The following NELL2 variants were observed in gnomAD, a reference collection of about 807,000 sequenced individuals.
NELL2 encodes the protein protein kinase C-binding protein NELL2.
NELL2 carries 41 observed loss-of-function variants against 109.6 expected under a neutral mutation model. The ratio of observed to expected loss-of-function variants is 0.37; its 90% confidence interval spans 0.29 to 0.49. The LOEUF (loss-of-function observed/expected upper bound fraction) is 0.49. Ranked by LOEUF, NELL2 falls within the 20% of genes least tolerant of loss-of-function variation. The probability of loss-of-function intolerance (pLI) is 0.98; values close to 1 mark genes in which losing one functional copy is unlikely to be tolerated. For missense variants in NELL2, 900 were observed against 1,008.3 expected, an observed-to-expected ratio of 0.89 and a Z score of 1.45; for synonymous variants, 355 against 344.7, an observed-to-expected ratio of 1.03 and a Z score of -0.33.
chr12:44,887,657 T>TGC, intron 1 of NELL2, among the ~76,000 whole-genome samples: 1 of 150,390 alleles, frequency 6.6e-6, no homozygotes, highest in African/African-American at 2.5e-5. Context: ...TGTGTGTGTG[T>TGC]GTTGTTGTTG....
intron 2 of NELL2, among the ~76,000 whole-genome samples, chr12:44,871,106 C>T (rs1275063699): frequency 6.6e-6 from 1 of 152,110 alleles, no homozygotes; most frequent in Admixed American, 6.6e-5. Flanking sequence ...ACCTTGCTCA[C>T]ACACTAGTCC....
At chr12:44,792,575 C>T (rs1385063780) in intron 3 of NELL2, among the ~76,000 whole-genome samples, 1 of 151,894 alleles carries the variant, frequency 6.6e-6, no homozygotes, top group African/African-American at 2.4e-5. Flanking sequence ...TTCTATAAGA[C>T]AAAATAAAAT....
At chr12:44,842,945 G>A (rs1300394740) in intron 2 of NELL2, among the ~76,000 whole-genome samples, 4 of 152,080 alleles carry the variant, frequency 2.6e-5, no homozygotes, top group African/African-American at 9.7e-5. Flanking sequence ...AGGCAAGAAA[G>A]GACTCCTCAG....
At chr12:44,569,292 A>C (rs1266663513) in intron 15 of NELL2, among the ~76,000 whole-genome samples, 2 of 152,138 alleles carry the variant, frequency 1.3e-5, no homozygotes, top group Admixed American at 6.6e-5. Flanking sequence ...ATTAATGAGT[A>C]TTTAGGTTGA....
chr12:44,875,070 A>G, intron 2 of NELL2, 155 bp downstream of exon 2: 1 of 996,786 alleles, frequency 1.0e-6, no homozygotes, highest in Non-Finnish European at 1.4e-6. Flanking sequence ...CACTTAAAAG[A>G]GATAGGGATA....
At position 44,876,111 on chromosome 12, in the gene NELL2, C is replaced by T; in HGVS notation, c.-242G>A. 1 of 1,318,750 alleles carries T rather than the reference C, an allele frequency of 7.6e-7. No individual in the cohort carries two copies. The highest frequency in any genetic ancestry group is 9.7e-7 in the Non-Finnish European group (1 of 1,034,308). The allele number at this position is 1,318,750 out of a possible 1,614,324, so 81.7% of individuals were successfully genotyped here. ...CCCACACGCAGGGCCGAGGCGGCAG[C>T]GCGGCCCGGAGGGGGCCCGGAGGGA... On this transcript the variant is annotated 5_prime_UTR_variant, in exon 1 of 20. Transcript: ENST00000429094.
At chr12:44,777,018 A>G in intron 7 of NELL2, 24 bp downstream of exon 7, 3 of 1,604,914 alleles carry the variant, frequency 1.9e-6, no homozygotes, top group Non-Finnish European at 2.6e-6. Context: ...AAGCTTCCAC[A>G]CTGTATTCTT....
intron 15 of NELL2, among the ~76,000 whole-genome samples, chr12:44,600,128 AT>A (rs1323995401): frequency 5.9e-4 from 13 of 22,070 alleles, no homozygotes; most frequent in African/African-American, 1.2e-3. Flanking sequence ...CGCCCGGCTA[AT>A]TTATTTATTT....
intron 3 of NELL2, among the ~76,000 whole-genome samples, chr12:44,787,211 C>T (rs1942210994): frequency 6.6e-6 from 1 of 150,912 alleles, no homozygotes; most frequent in South Asian, 2.1e-4. Context: ...AGGTGTAAAT[C>T]TAACAAAACA....
At chr12:44,746,097 G>C (rs1307005159) in intron 9 of NELL2, among the ~76,000 whole-genome samples, 1 of 152,160 alleles carries the variant, frequency 6.6e-6, no homozygotes, top group Non-Finnish European at 1.5e-5. Flanking sequence ...TACCAAAACA[G>C]AGATATAGAC....
At chr12:44,646,712 T>A (rs1947109107) in intron 13 of NELL2, among the ~76,000 whole-genome samples, 1 of 152,196 alleles carries the variant, frequency 6.6e-6, no homozygotes, top group Non-Finnish European at 1.5e-5. Flanking sequence ...GCCTAGTGAA[T>A]GTGCAGTGAA....
intron 12 of NELL2, among the ~76,000 whole-genome samples, chr12:44,684,515 G>A (rs973986925): frequency 1.3e-5 from 2 of 152,086 alleles, no homozygotes; most frequent in Admixed American, 6.6e-5. Context: ...ATGTTAGGGT[G>A]CCAATTTTGG....
At chr12:44,855,165 A>C (rs918841931) in intron 2 of NELL2, among the ~76,000 whole-genome samples, 1 of 152,188 alleles carries the variant, frequency 6.6e-6, no homozygotes, top group African/African-American at 2.4e-5. Flanking sequence ...CATTTCAACT[A>C]TTCAACAGCA....
At chr12:44,697,386 T>TACGCCAATGAGTCTACCATATAC (rs1949098966) in intron 12 of NELL2, among the ~76,000 whole-genome samples, 1 of 152,134 alleles carries the variant, frequency 6.6e-6, no homozygotes, top group Non-Finnish European at 1.5e-5. Flanking sequence ...GCCATTTGGA[T>TACGCCAATGAGTCTACCATATAC]ACGCCAATGA....
intron 3 of NELL2, among the ~76,000 whole-genome samples, chr12:44,798,514 CTA>C (rs1446254374): frequency 2.0e-5 from 3 of 151,962 alleles, no homozygotes; most frequent in Non-Finnish European, 4.4e-5. Flanking sequence ...CTACAGAATG[CTA>C]TGAAACAATA....
At chr12:44,744,357 T>C (rs370245669) in intron 9 of NELL2, among the ~76,000 whole-genome samples, 29 of 152,046 alleles carry the variant, frequency 1.9e-4, no homozygotes, top group East Asian at 7.7e-4. Flanking sequence ...AGGAAAGATC[T>C]AAAATTGACA....
intron 19 of NELL2, among the ~76,000 whole-genome samples, chr12:44,519,128 C>T (rs979346416): frequency 2.0e-5 from 3 of 152,074 alleles, no homozygotes; most frequent in Non-Finnish European, 4.4e-5. Context: ...AATGGAAATG[C>T]TCACTTAAAA....
intron 15 of NELL2, among the ~76,000 whole-genome samples, chr12:44,543,762 A>G (rs1942677916): frequency 6.6e-6 from 1 of 152,140 alleles, no homozygotes; most frequent in South Asian, 2.1e-4. Flanking sequence ...TTCTCTACCA[A>G]TTCTAGTGCA....
chr12:44,742,799 C>T (rs901806401), intron 9 of NELL2, among the ~76,000 whole-genome samples: 16 of 152,024 alleles, frequency 1.1e-4, no homozygotes, highest in Admixed American at 2.0e-4. Context: ...AATGGGACTA[C>T]GTGAAAAGAC....
Sources: allele counts gnomAD v4.1 joint callset (sites outside exome capture counted in the v4.1 genomes callset), GRCh38; gene constraint gnomAD v4.1.1; transcripts MANE v1.5; gene names NCBI Gene and HGNC (gene_info 2026-07-23, HGNC 2026-07-21).